The following EIF4G3 variants were observed in gnomAD, a reference collection of about 807,000 sequenced individuals.
EIF4G3 encodes eukaryotic translation initiation factor 4 gamma 3.
A neutral mutation model predicts 186.4 loss-of-function variants in EIF4G3; 34 were observed. The observed-to-expected ratio is 0.18, with a 90% CI of 0.14 to 0.24. EIF4G3 has a LOEUF of 0.24. Among genes scored for constraint, EIF4G3 ranks in the 10% least tolerant of loss-of-function variants. EIF4G3 has a pLI of 1.00. For missense variants in EIF4G3, 1,536 were observed against 1,948.5 expected, an observed-to-expected ratio of 0.79 and a Z score of 3.99; for synonymous variants, 673 against 679.5, an observed-to-expected ratio of 0.99 and a Z score of 0.15.
chr1:21,144,192 C>G (rs1302171584), intron 2 of EIF4G3, among the ~76,000 whole-genome samples: 2 of 152,154 alleles, frequency 1.3e-5, no homozygotes, highest in African/African-American at 4.8e-5. Context: ...TATGGGTAAT[C>G]TTTGGGAGAT....
At chr1:21,019,733 A>C (rs951449190) in intron 4 of EIF4G3, among the ~76,000 whole-genome samples, 3 of 152,086 alleles carry the variant, frequency 2.0e-5, no homozygotes, top group African/African-American at 4.8e-5. Flanking sequence ...AAATACAAAA[A>C]ATTAGCTGGG....
At chr1:21,046,654 A>G (rs1407975656) in intron 4 of EIF4G3, among the ~76,000 whole-genome samples, 1 of 152,250 alleles carries the variant, frequency 6.6e-6, no homozygotes, top group Non-Finnish European at 1.5e-5. Flanking sequence ...AAGGACATGT[A>G]GCTAAAAAAT....
chr1:20,817,680 A>ATT, intron 33 of EIF4G3, 142 bp from the exon 34 acceptor site: 46 of 220,550 alleles, frequency 2.1e-4, no homozygotes, highest in Non-Finnish European at 2.4e-4. Context: ...TTATGTTTGT[A>ATT]GTTTTTTTTT....
At chr1:20,893,732 G>C in intron 17 of EIF4G3, 96 bp from the exon 18 acceptor site, 1 of 1,356,474 alleles carries the variant, frequency 7.4e-7, no homozygotes, top group Non-Finnish European at 9.8e-7. Flanking sequence ...TACATCAGCT[G>C]AAACGGTAAG....
At chr1:21,135,495 C>A (rs961987005) in intron 2 of EIF4G3, among the ~76,000 whole-genome samples, 12 of 152,140 alleles carry the variant, frequency 7.9e-5, no homozygotes, top group Admixed American at 2.0e-4. Flanking sequence ...GAGCGAAACT[C>A]CGTCTCAAAA....
At position 20,810,673 on chromosome 1, in the gene EIF4G3, C is replaced by CT; in HGVS notation, c.4744+64dup. 3 of 1,553,002 alleles carry CT rather than the reference C, an allele frequency of 1.9e-6. No individual in the cohort carries two copies. The highest frequency in any genetic ancestry group is 3.4e-5 in the Admixed American group (2 of 59,100). On this transcript the variant is annotated intron_variant, in intron 36 of 36. Coordinates refer to ENST00000602326, the MANE Select transcript of EIF4G3 (RefSeq NM_001391906.1). This position sits in a 1 kb window ranked among gnomAD's most constrained non-coding sequence, Gnocchi z 4.1. ...CCTTTGTTCGAACCCTAAATCATCT[C>CT]TAAGTCCTGGCTTGGATAAATCTCA...
At chr1:21,108,428 G>A (rs1557999315) in intron 2 of EIF4G3, among the ~76,000 whole-genome samples, 1 of 152,032 alleles carries the variant, frequency 6.6e-6, no homozygotes, top group South Asian at 2.1e-4. Flanking sequence ...CTAGACAATG[G>A]AGAAAGGAGG....
chr1:21,150,227 G>C (rs1032283860), intron 2 of EIF4G3, among the ~76,000 whole-genome samples: 12 of 152,208 alleles, frequency 7.9e-5, no homozygotes, highest in African/African-American at 2.9e-4. Context: ...TGCAGTCCCA[G>C]ATGAAAGCCA....
intron 4 of EIF4G3, among the ~76,000 whole-genome samples, chr1:21,017,626 T>TG (rs2089539615): frequency 4.2e-5 from 2 of 47,744 alleles, no homozygotes; most frequent in South Asian, 2.6e-3. Flanking sequence ...AGACTCCGTC[T>TG]CAAAAAAAAA....
At chr1:20,839,040 G>A (rs1011977269) in intron 30 of EIF4G3, among the ~76,000 whole-genome samples, 4 of 151,994 alleles carry the variant, frequency 2.6e-5, no homozygotes, top group Non-Finnish European at 5.9e-5. Flanking sequence ...GTGCAGTGGC[G>A]CAATTTCAGC....
intron 2 of EIF4G3, among the ~76,000 whole-genome samples, chr1:21,109,119 G>A (rs2096669903): frequency 6.6e-6 from 1 of 152,040 alleles, no homozygotes; most frequent in Non-Finnish European, 1.5e-5. Context: ...TCAGTAGGCT[G>A]ACGCACAACA....
At chr1:20,954,513 C>A (rs1432033196) in intron 12 of EIF4G3, among the ~76,000 whole-genome samples, 1 of 113,340 alleles carries the variant, frequency 8.8e-6, no homozygotes, top group Non-Finnish European at 1.6e-5. Flanking sequence ...TCCAGCCTGG[C>A]GAGAGAGTCA....
chr1:20,981,726 C>T lies in EIF4G3; in HGVS notation c.199-499G>A, dbSNP rs111440970. Among the ~76,000 whole-genome samples the T allele has an allele frequency of 2.4e-4, 34 of 140,104 alleles. 1 individual carries two copies. The highest frequency in any genetic ancestry group is 7.6e-4 in the African/African-American group (29 of 38,172). The allele number at this position is 140,104 out of a possible 152,430, so 91.9% of individuals were successfully genotyped here. ...TACTGTATGTATACATACATGTATA[C>T]GCACATACTGTATATACACATACAT... On this transcript the variant is annotated intron_variant, in intron 8 of 36. Transcript: ENST00000602326.
At chr1:20,979,138 C>T (rs2077455178) in intron 10 of EIF4G3, among the ~76,000 whole-genome samples, 1 of 152,088 alleles carries the variant, frequency 6.6e-6, no homozygotes, top group Admixed American at 6.6e-5. Flanking sequence ...ATTCACCTTC[C>T]ATGGAATAAG....
At chr1:21,098,540 G>GAAAAAAAAAAAAAAAAA (rs59544256) in intron 2 of EIF4G3, among the ~76,000 whole-genome samples, 1 of 72,720 alleles carries the variant, frequency 1.4e-5, no homozygotes. Flanking sequence ...GCCCTGTCTC[G>GAAAAAAAAAAAAAAAAA]AAAAAAAAAA....
In EIF4G3 at chr1:20,849,450, T is replaced by C. The variant is rs778357165; in HGVS notation, c.3853A>G (p.Ile1285Val). ...EEELERKSKS[I>V]IDEFLHINDF... ...TTAATGTGTAGAAATTCATCAATGA[T>C]AGATTTCGACTTCCTCTCCAGTTCC... Residue 1285 changes from isoleucine (I) to valine (V), a missense_variant, in exon 29 of 37, where the codon ATC (isoleucine) becomes GTC (valine). Ile to Val is a conservative substitution (Grantham distance 29, BLOSUM62 3). Transcript: ENST00000602326. The C allele has an allele frequency of 8.3e-6, 13 of 1,561,460 alleles. No individual in the cohort carries two copies. The highest frequency in any genetic ancestry group is 1.2e-5 in the South Asian group (1 of 80,814).
chr1:20,884,442 G>A (rs916690193), intron 19 of EIF4G3, among the ~76,000 whole-genome samples: 1 of 152,148 alleles, frequency 6.6e-6, no homozygotes, highest in African/African-American at 2.4e-5. Context: ...ATAAAGTAAA[G>A]CATTAATCCA....
chr1:21,140,169 T>C (rs911813681), intron 2 of EIF4G3, among the ~76,000 whole-genome samples: 3 of 152,204 alleles, frequency 2.0e-5, no homozygotes, highest in Non-Finnish European at 2.9e-5. Flanking sequence ...CTCTAGACAT[T>C]TGTGGATAAC....
intron 31 of EIF4G3, among the ~76,000 whole-genome samples, chr1:20,828,693 A>C (rs2064294927): frequency 1.3e-5 from 2 of 152,162 alleles, no homozygotes; most frequent in South Asian, 4.1e-4. Flanking sequence ...TTCCCCACTC[A>C]CATCCAAACG....
Sources: allele counts gnomAD v4.1 joint callset (sites outside exome capture counted in the v4.1 genomes callset), GRCh38; gene constraint gnomAD v4.1.1; non-coding constraint Gnocchi (gnomAD v3.1); transcripts MANE v1.5; gene names NCBI Gene and HGNC (gene_info 2026-07-23, HGNC 2026-07-21).